Variants in PAX5 observed in about 807,000 individuals in gnomAD.
PAX5 encodes paired box 5, also known as paired box protein Pax-5.
A neutral mutation model predicts 43.7 loss-of-function variants in PAX5; 9 were observed. The ratio of observed to expected loss-of-function variants is 0.21; its 90% CI spans 0.12 to 0.36. The LOEUF (loss-of-function observed/expected upper bound fraction) is 0.36, where lower values mean the gene tolerates loss of function less well. Among genes scored for constraint, PAX5 ranks in the 10% least tolerant of loss-of-function variants. The pLI, the probability that PAX5 is intolerant of heterozygous loss-of-function variation, is 1.00. For synonymous variants in PAX5, 228 were observed against 214.3 expected (o/e 1.06, Z -0.56); for missense variants, 383 against 532.7 (o/e 0.72, Z 2.77).
chr9:36,925,185 G>C (rs1045486766), intron 6 of PAX5, among the ~76,000 whole-genome samples: 7 of 152,142 alleles, frequency 4.6e-5, no homozygotes, highest in Non-Finnish European at 1.0e-4. Context: ...TTTTGACTGG[G>C]GGTGATGGCA....
intron 5 of PAX5, among the ~76,000 whole-genome samples, chr9:36,995,132 CTG>C (rs1564055498): frequency 6.6e-6 from 1 of 152,248 alleles, no homozygotes; most frequent in Non-Finnish European, 1.5e-5. Context: ...AACCTCCTTC[CTG>C]CCCCCAAAGC....
intron 6 of PAX5, among the ~76,000 whole-genome samples, chr9:36,952,637 A>C (rs935655613): frequency 6.6e-6 from 1 of 151,876 alleles, no homozygotes; most frequent in African/African-American, 2.4e-5. Flanking sequence ...TTTCAATTAT[A>C]TTTCTTTTTT....
At chr9:36,924,277 C>T (rs1173529799) in intron 6 of PAX5, among the ~76,000 whole-genome samples, 1 of 152,194 alleles carries the variant, frequency 6.6e-6, no homozygotes, top group Non-Finnish European at 1.5e-5. Flanking sequence ...GAGTCATTTC[C>T]TTGTCATCCA....
chr9:36,996,873 T>C (rs1277231414), intron 5 of PAX5, among the ~76,000 whole-genome samples: 2 of 151,186 alleles, frequency 1.3e-5, no homozygotes, highest in African/African-American at 4.9e-5. Context: ...TGAATGAGTG[T>C]GAGAGAAAGA....
intron 1 of PAX5, among the ~76,000 whole-genome samples, chr9:37,030,934 C>T (rs995221927): frequency 6.6e-6 from 1 of 152,252 alleles, no homozygotes; most frequent in African/African-American, 2.4e-5. Context: ...ATCAGGGATG[C>T]TGCCAGCATG....
intron 8 of PAX5, among the ~76,000 whole-genome samples, chr9:36,869,962 A>G (rs200370484): frequency 4.6e-4 from 25 of 54,588 alleles, no homozygotes; most frequent in Middle Eastern, 0.011. Flanking sequence ...ATGGATGGAT[A>G]AATGGATGGA....
chr9:36,996,822 GGA>G (rs958774831), intron 5 of PAX5, among the ~76,000 whole-genome samples: 2 of 152,100 alleles, frequency 1.3e-5, no homozygotes, highest in African/African-American at 4.8e-5. Flanking sequence ...GGGGATTTGG[GGA>G]GAGAGAGAGA....
rs1444268068 is a variant in PAX5 at position 37,027,126 on chromosome 9, G to C, written c.47-6325C>G. Among the ~76,000 whole-genome samples the C allele has an allele frequency of 3.3e-5, 5 of 152,188 alleles. No individual in the cohort carries two copies. In the South Asian group the frequency reaches 1.0e-3, roughly 32 times the overall value. The stretch of plus-strand genomic sequence containing the variant: ...CTGCTTCTCCGAGTCTCTGGGGCTC[G>C]GACTTGCCCCCTCCGCCTCTCTCCA... On this transcript the variant is annotated intron_variant, in intron 1 of 9. Coordinates refer to ENST00000358127, the MANE Select transcript of PAX5 (RefSeq NM_016734.3).
At chr9:37,014,215 G>A (rs916342600) in intron 3 of PAX5, among the ~76,000 whole-genome samples, 9 of 152,172 alleles carry the variant, frequency 5.9e-5, no homozygotes, top group African/African-American at 2.2e-4. Context: ...CTCTGAGAGC[G>A]CCCTTCCATG....
intron 6 of PAX5, among the ~76,000 whole-genome samples, chr9:36,947,534 C>A (rs925910366): frequency 6.6e-6 from 1 of 152,070 alleles, no homozygotes; most frequent in African/African-American, 2.4e-5. Flanking sequence ...GTAGCTATCA[C>A]GCTTGGCTAA....
chr9:37,002,879 A>G, intron 4 of PAX5, 103 bp from the exon 5 acceptor site: 1 of 1,218,112 alleles, frequency 8.2e-7, no homozygotes, highest in Non-Finnish European at 1.1e-6. Flanking sequence ...GAGCGAGCGC[A>G]GGGTGGGCAG....
At chr9:36,966,768 C>T (rs575051854) in intron 5 of PAX5, 44 bp from the exon 6 acceptor site, 43 of 1,573,962 alleles carry the variant, frequency 2.7e-5, no homozygotes, top group Admixed American at 8.5e-5. Flanking sequence ...AGGTTATACA[C>T]GTTGCTAAAG....
chr9:36,858,729 C>CA (rs1167856194), intron 8 of PAX5, among the ~76,000 whole-genome samples: 1 of 152,142 alleles, frequency 6.6e-6, no homozygotes, highest in African/African-American at 2.4e-5. Context: ...GGCACATTCC[C>CA]AAGGCCTTCA....
In PAX5 at chr9:36,994,053, G is replaced by A. The variant is rs373131293; in HGVS notation, c.604+8595C>T. Among the ~76,000 whole-genome samples the A allele has an allele frequency of 4.5e-4, 68 of 152,320 alleles. No homozygotes were observed. The South Asian group carries it at 0.012, about 27-fold the overall frequency. The stretch of plus-strand genomic sequence containing the variant: ...TCACTGAATCAAAGTGAAACTTGGG[G>A]ACCCAGGAGCGAGGAGGAACCGAAA... On this transcript the variant is annotated intron_variant, in intron 5 of 9. Coordinates refer to ENST00000358127, the MANE Select transcript of PAX5 (RefSeq NM_016734.3).
intron 8 of PAX5, among the ~76,000 whole-genome samples, chr9:36,878,856 C>T (rs1203280507): frequency 6.6e-6 from 1 of 152,244 alleles, no homozygotes; most frequent in African/African-American, 2.4e-5. Context: ...TGCGGCTGAG[C>T]TTGGAATCCC....
chr9:37,025,685 G>A (rs1330742325), intron 1 of PAX5, among the ~76,000 whole-genome samples: 1 of 152,226 alleles, frequency 6.6e-6, no homozygotes, highest in African/African-American at 2.4e-5. Context: ...GTGGTAATGG[G>A]TGAATTGGCA....
chr9:36,969,593 A>G (rs1310936450), intron 5 of PAX5, among the ~76,000 whole-genome samples: 1 of 152,230 alleles, frequency 6.6e-6, no homozygotes, highest in Non-Finnish European at 1.5e-5. Context: ...CTCGCTGGAC[A>G]CGCGCCCCTC....
At chr9:36,970,104 A>G (rs1335131006) in intron 5 of PAX5, among the ~76,000 whole-genome samples, 1 of 152,206 alleles carries the variant, frequency 6.6e-6, no homozygotes, top group Non-Finnish European at 1.5e-5. Context: ...ACTTTAGTCA[A>G]GTGATCACAG....
chr9:36,855,830 C>T (rs1823618686), intron 8 of PAX5, among the ~76,000 whole-genome samples: 2 of 152,238 alleles, frequency 1.3e-5, no homozygotes, highest in Admixed American at 6.5e-5. Context: ...TTTCCTTCAT[C>T]CCAAACACCA....
Sources: gnomAD v4.1 joint callset for allele counts (sites outside exome capture counted in the v4.1 genomes callset) on GRCh38, gnomAD v4.1.1 for gene constraint, MANE v1.5 for transcripts, NCBI Gene and HGNC (gene_info 2026-07-23, HGNC 2026-07-21) for gene names.